GRM3: variants seen among roughly 807,000 people sequenced by gnomAD.
The protein encoded by GRM3 is glutamate metabotropic receptor 3.
A neutral mutation model predicts 70.5 loss-of-function variants in GRM3; 26 were observed. The observed-to-expected ratio is 0.37, with a 90% CI of 0.27 to 0.51. The LOEUF (loss-of-function observed/expected upper bound fraction) is 0.51. GRM3 is among the 20% of genes least tolerant of loss of function. GRM3 has a pLI of 0.93. For synonymous variants in GRM3, 443 were observed against 434.9 expected (o/e 1.02, Z -0.23); for missense variants, 859 against 1,123.8 (o/e 0.76, Z 3.37).
chr7:86,717,072 AGATT>A (rs767773158), intron 1 of GRM3, among the ~76,000 whole-genome samples: 92 of 152,042 alleles, frequency 6.1e-4, no homozygotes, highest in Middle Eastern at 3.4e-3. Context: ...ATAATAATGA[AGATT>A]GAGTGAGCCA....
chr7:86,795,267 TA>T (rs1797522022), intron 3 of GRM3, among the ~76,000 whole-genome samples: 1 of 143,426 alleles, frequency 7.0e-6, no homozygotes, highest in Non-Finnish European at 1.5e-5. Context: ...TATTTTATTT[TA>T]TTTTATTTTA....
intron 5 of GRM3, among the ~76,000 whole-genome samples, chr7:86,863,844 A>G (rs1332174232): frequency 6.6e-6 from 1 of 152,202 alleles, no homozygotes; most frequent in Admixed American, 6.5e-5. Flanking sequence ...ACTTCCTTCA[A>G]CAATGATTAT....
intron 1 of GRM3, among the ~76,000 whole-genome samples, chr7:86,708,108 C>A (rs925827021): frequency 6.6e-6 from 1 of 152,144 alleles, no homozygotes; most frequent in Non-Finnish European, 1.5e-5. Flanking sequence ...CTAGAGCCTA[C>A]ACTCTTAATT....
At chr7:86,849,068 AT>A (rs977765662) in intron 4 of GRM3, among the ~76,000 whole-genome samples, 4 of 152,262 alleles carry the variant, frequency 2.6e-5, no homozygotes, top group African/African-American at 9.6e-5. Context: ...TTTCCTGGAA[AT>A]TTTGCAAATT....
At chr7:86,645,802 AT>A (rs1411407131) in intron 1 of GRM3, among the ~76,000 whole-genome samples, 1 of 152,050 alleles carries the variant, frequency 6.6e-6, no homozygotes, top group East Asian at 1.9e-4. Context: ...TATTTCTACT[AT>A]TTGAATAGTA....
intron 1 of GRM3, among the ~76,000 whole-genome samples, chr7:86,727,496 TA>T (rs1361188561): frequency 6.6e-6 from 1 of 152,232 alleles, no homozygotes; most frequent in African/African-American, 2.4e-5. Context: ...TGGCACATAG[TA>T]CAGAACATTT....
chr7:86,675,140 T>G (rs1048088382), intron 1 of GRM3, among the ~76,000 whole-genome samples: 10 of 152,088 alleles, frequency 6.6e-5, no homozygotes, highest in Non-Finnish European at 1.5e-4. Flanking sequence ...GTACCCCAAA[T>G]CAAACTTCAT....
At chr7:86,825,573 C>T (rs1265763206) in intron 3 of GRM3, among the ~76,000 whole-genome samples, 2 of 152,164 alleles carry the variant, frequency 1.3e-5, no homozygotes, top group Admixed American at 1.3e-4. Context: ...CACAGAAAGT[C>T]AAATGCATGT....
At position 86,680,266 on chromosome 7, in the gene GRM3, AC is replaced by A. The variant is rs547755637; in HGVS notation, c.-141+35395del. On this transcript the variant is annotated intron_variant, in intron 1 of 5. Coordinates refer to ENST00000361669, the MANE Select transcript of GRM3 (RefSeq NM_000840.3). The stretch of plus-strand genomic sequence containing the variant: ...TAAGAGGACTACTAAAATTGGAATA[AC>A]ATATTTTAGGACTCAGGATGTGTAT... Among the ~76,000 whole-genome samples the A allele has an allele frequency of 6.5e-4, 99 of 152,306 alleles. 1 individual carries two copies. The highest frequency in any genetic ancestry group is 2.3e-3 in the African/African-American group (96 of 41,580).
chr7:86,723,192 T>A (rs189858895), intron 1 of GRM3, among the ~76,000 whole-genome samples: 1 of 151,766 alleles, frequency 6.6e-6, no homozygotes, highest in Non-Finnish European at 1.5e-5. Context: ...CAGAACCCTA[T>A]GAAAAATAAC....
intron 1 of GRM3, among the ~76,000 whole-genome samples, chr7:86,724,442 T>C (rs976969562): frequency 6.6e-6 from 1 of 152,150 alleles, no homozygotes; most frequent in Non-Finnish European, 1.5e-5. Flanking sequence ...AAGGCCTGAA[T>C]TGAAGACTCA....
chr7:86,721,968 A>T (rs1056872128), intron 1 of GRM3, among the ~76,000 whole-genome samples: 2 of 152,140 alleles, frequency 1.3e-5, no homozygotes, highest in South Asian at 2.1e-4. Flanking sequence ...GCAGAACCTT[A>T]AAGTTGAGAA....
At chr7:86,712,634 C>T (rs1795224612) in intron 1 of GRM3, among the ~76,000 whole-genome samples, 2 of 152,014 alleles carry the variant, frequency 1.3e-5, no homozygotes, top group Non-Finnish European at 2.9e-5. Flanking sequence ...CTCTGCATGG[C>T]CTTACCCCTC....
intron 1 of GRM3, among the ~76,000 whole-genome samples, chr7:86,669,862 T>C (rs1794127527): frequency 6.6e-6 from 1 of 152,132 alleles, no homozygotes. Context: ...AGTCTCACAA[T>C]CTATTTACTC....
chr7:86,731,306 G>T (rs1795729739), intron 1 of GRM3, among the ~76,000 whole-genome samples: 1 of 152,032 alleles, frequency 6.6e-6, no homozygotes, highest in Non-Finnish European at 1.5e-5. Flanking sequence ...TTAAATCCTA[G>T]GAATCATCTT....
chr7:86,704,695 T>C (rs1257309571), intron 1 of GRM3, among the ~76,000 whole-genome samples: 2 of 151,902 alleles, frequency 1.3e-5, no homozygotes, highest in Admixed American at 1.3e-4. Flanking sequence ...TGAAAACTGG[T>C]AATTAATTCT....
At chr7:86,683,992 T>C (rs766278325) in intron 1 of GRM3, among the ~76,000 whole-genome samples, 1 of 152,192 alleles carries the variant, frequency 6.6e-6, no homozygotes, top group Non-Finnish European at 1.5e-5. Context: ...CTCTAAATAT[T>C]ATATCTCAAT....
chr7:86,767,650 A>G (rs1246687834), intron 2 of GRM3, among the ~76,000 whole-genome samples: 7 of 150,514 alleles, frequency 4.7e-5, no homozygotes, highest in Non-Finnish European at 8.9e-5. Flanking sequence ...CATTTCACGA[A>G]TTTATATTAT....
At chr7:86,818,674 G>T (rs1421895369) in intron 3 of GRM3, among the ~76,000 whole-genome samples, 1 of 152,046 alleles carries the variant, frequency 6.6e-6, no homozygotes, top group Non-Finnish European at 1.5e-5. Context: ...AATTGGGAAA[G>T]TATCCAGTAG....
Sources: gnomAD v4.1 joint callset for allele counts (sites outside exome capture counted in the v4.1 genomes callset) on GRCh38, gnomAD v4.1.1 for gene constraint, MANE v1.5 for transcripts, NCBI Gene and HGNC (gene_info 2026-07-23, HGNC 2026-07-21) for gene names.